Variants in DACH1 observed in about 807,000 individuals in gnomAD.
DACH1 encodes dachshund family transcription factor 1, also known as dachshund homolog 1.
DACH1 carries 12 observed loss-of-function variants against 54.2 expected under a neutral mutation model. The ratio of observed to expected loss-of-function variants is 0.22; its 90% confidence interval spans 0.14 to 0.36. DACH1 has a LOEUF of 0.36. Ranked by LOEUF, DACH1 falls within the 10% of genes least tolerant of loss-of-function variation. DACH1 has a pLI of 1.00. For synonymous variants in DACH1, 386 were observed against 366.2 expected (o/e 1.05, Z -0.62); for missense variants, 805 against 929.8 (o/e 0.87, Z 1.75).
chr13:71,781,792 C>T (rs990735265), intron 1 of DACH1, among the ~76,000 whole-genome samples: 1 of 152,236 alleles, frequency 6.6e-6, no homozygotes, highest in East Asian at 1.9e-4. Flanking sequence ...CTGGACTGAA[C>T]AAAATGATGT....
intron 2 of DACH1, among the ~76,000 whole-genome samples, chr13:71,665,371 T>A (rs559750353): frequency 4.2e-4 from 64 of 152,140 alleles, no homozygotes; most frequent in Middle Eastern, 6.8e-3. Context: ...ATCATTTTGC[T>A]ACCCCCATAT....
At chr13:71,634,124 C>A (rs1054508150) in intron 2 of DACH1, among the ~76,000 whole-genome samples, 1 of 151,994 alleles carries the variant, frequency 6.6e-6, no homozygotes, top group East Asian at 1.9e-4. Flanking sequence ...ATGCACCCAC[C>A]ACCATGCCTA....
At chr13:71,506,134 ATTCT>A (rs942108262) in intron 6 of DACH1, among the ~76,000 whole-genome samples, 12 of 151,518 alleles carry the variant, frequency 7.9e-5, no homozygotes, top group African/African-American at 2.7e-4. Context: ...AGCTCTTAAG[ATTCT>A]TTTTTTTTTT....
chr13:71,543,414 C>T (rs565545242), intron 6 of DACH1, among the ~76,000 whole-genome samples: 16 of 152,126 alleles, frequency 1.1e-4, no homozygotes, highest in Middle Eastern at 3.4e-3. Flanking sequence ...AAATAATAAA[C>T]TCTACAAGAA....
rs541907936 is a variant in DACH1 at position 71,441,867 on chromosome 13, A to AT, written c.2084-1176dup. Among the ~76,000 whole-genome samples the AT allele has an allele frequency of 2.5e-4, 38 of 152,054 alleles. 1 individual carries two copies. In the East Asian group the frequency reaches 6.4e-3, roughly 26 times the overall value. Reference sequence around the variant, plus strand: ...TTATATATTCCTCTCATTTTTTTCTATTTTTTATAATCCTTCCTTTTTAAA... The same window carrying AT: ...TTATATATTCCTCTCATTTTTTTCTATTTTTTTATAATCCTTCCTTTTTAAA... On this transcript the variant is annotated intron_variant, in intron 10 of 10. Coordinates refer to ENST00000613252, the MANE Select transcript of DACH1 (RefSeq NM_080759.6).
At chr13:71,474,807 A>G (rs536425137) in intron 10 of DACH1, among the ~76,000 whole-genome samples, 4 of 152,356 alleles carry the variant, frequency 2.6e-5, no homozygotes, top group African/African-American at 9.6e-5. Context: ...TATTTTATTT[A>G]TGTAGCACAG....
intron 1 of DACH1, among the ~76,000 whole-genome samples, chr13:71,729,073 A>G (rs1231499277): frequency 1.3e-5 from 2 of 152,004 alleles, no homozygotes; most frequent in Non-Finnish European, 2.9e-5. Flanking sequence ...CCCAAGTAAA[A>G]GAACACAAAA....
At chr13:71,660,752 A>C (rs1405391352) in intron 2 of DACH1, among the ~76,000 whole-genome samples, 1 of 151,898 alleles carries the variant, frequency 6.6e-6, no homozygotes, top group African/African-American at 2.4e-5. Context: ...ATGTTAGATT[A>C]TGTTAGGAAT....
rs536951745 is a variant in DACH1 at position 71,581,025 on chromosome 13, T to C, written c.1127-8013A>G. On this transcript the variant is annotated intron_variant, in intron 3 of 10. Coordinates refer to ENST00000613252, the MANE Select transcript of DACH1 (RefSeq NM_080759.6). ...TTGTCTTAATGTAAGTTCCACGTGG[T>C]CAAGCCTGTGTCTTTTTTTTTTTTT... is the stretch of plus-strand genomic sequence containing the variant. Among the ~76,000 whole-genome samples the C allele has an allele frequency of 1.2e-4, 18 of 148,788 alleles. No individual in the cohort carries two copies. In the South Asian group the frequency reaches 3.8e-3, roughly 31 times the overall value.
At chr13:71,497,290 G>T (rs1430254036) in intron 6 of DACH1, among the ~76,000 whole-genome samples, 5 of 151,386 alleles carry the variant, frequency 3.3e-5, no homozygotes, top group African/African-American at 9.7e-5. Context: ...GCTTCAATGT[G>T]CCACGGAGGA....
chr13:71,499,128 C>CGCAG (rs1365632803), intron 6 of DACH1, among the ~76,000 whole-genome samples: 7 of 41,426 alleles, frequency 1.7e-4, no homozygotes, highest in Non-Finnish European at 3.1e-4. Flanking sequence ...CACACACACA[C>CGCAG]ACACGCAGAC....
intron 1 of DACH1, among the ~76,000 whole-genome samples, chr13:71,843,953 G>A (rs530057241): frequency 6.6e-6 from 1 of 152,088 alleles, no homozygotes; most frequent in Non-Finnish European, 1.5e-5. Context: ...ATTGCCCTAG[G>A]GAAGTCATAA....
At chr13:71,865,896 G>A (rs1381338039) in intron 1 of DACH1, 26 bp downstream of exon 1, 1 of 1,557,526 alleles carries the variant, frequency 6.4e-7, no homozygotes, top group Admixed American at 1.8e-5. Flanking sequence ...GGGCGCGGGC[G>A]GCGGGGGCTA....
rs1162890422 is a variant in DACH1 at position 71,866,794 on chromosome 13, G to A, written c.-25C>T. The A allele has an allele frequency of 2.1e-5, 28 of 1,313,268 alleles. No individual in the cohort carries two copies. The highest frequency in any genetic ancestry group is 2.7e-5 in the Non-Finnish European group (28 of 1,022,842). The allele number at this position is 1,313,268 out of a possible 1,614,324, so 81.4% of individuals were successfully genotyped here. ...TGGTCACATATAAGGGGAAACAGAC[G>A]GAGGAGAAGCGAGAGGAAAAGTTGC... On this transcript the variant is annotated 5_prime_UTR_variant, in exon 1 of 11. Coordinates refer to ENST00000613252, the MANE Select transcript of DACH1 (RefSeq NM_080759.6).
At chr13:71,756,181 C>T (rs1013235263) in intron 1 of DACH1, among the ~76,000 whole-genome samples, 1 of 152,018 alleles carries the variant, frequency 6.6e-6, no homozygotes, top group Non-Finnish European at 1.5e-5. Flanking sequence ...CAGGCACATG[C>T]CACCACACTC....
chr13:71,785,806 T>C (rs1245179081), intron 1 of DACH1, among the ~76,000 whole-genome samples: 1 of 152,232 alleles, frequency 6.6e-6, no homozygotes, highest in Non-Finnish European at 1.5e-5. Context: ...CATGTTTTTC[T>C]CTCTTGCTCC....
intron 4 of DACH1, among the ~76,000 whole-genome samples, chr13:71,570,193 C>A (rs867142016): frequency 2.0e-5 from 3 of 152,122 alleles, no homozygotes; most frequent in Non-Finnish European, 4.4e-5. Context: ...TCTTGGAGGA[C>A]CTATTCCTCA....
chr13:71,552,650 T>C lies in DACH1; in HGVS notation c.1570+4374A>G, dbSNP rs74095974. On this transcript the variant is annotated intron_variant, in intron 6 of 10. Coordinates refer to ENST00000613252, the MANE Select transcript of DACH1 (RefSeq NM_080759.6). ...CCTATTTATATACCACAAATGTCAA[T>C]TATTACAGCCTATTCCACTATATTT... Among the ~76,000 whole-genome samples the C allele has an allele frequency of 7.6e-3, 1,148 of 150,662 alleles. 14 individuals are homozygous for C. Among genetic ancestry groups the C allele is most frequent in the African/African-American group, 0.026 (1,066 of 41,014 alleles).
At chr13:71,865,760 G>T (rs1874702564) in intron 1 of DACH1, among the ~76,000 whole-genome samples, 162 bp downstream of exon 1, 1 of 151,972 alleles carries the variant, frequency 6.6e-6, no homozygotes, top group African/African-American at 2.4e-5. Flanking sequence ...AGGGGGTCGG[G>T]CGCGGCTGGC....
Sources: gnomAD v4.1 joint callset for allele counts (sites outside exome capture counted in the v4.1 genomes callset) on GRCh38, gnomAD v4.1.1 for gene constraint, MANE v1.5 for transcripts, NCBI Gene and HGNC (gene_info 2026-07-23, HGNC 2026-07-21) for gene names.